The following PIAS3 variants were observed in gnomAD, a reference collection of about 807,000 sequenced individuals.
PIAS3 encodes the protein protein inhibitor of activated STAT 3, also known as E3 SUMO-protein ligase PIAS3.
Under a neutral mutation model 67.6 loss-of-function variants are expected in PIAS3, and 34 were observed. That is an observed-to-expected ratio of 0.50 (90% CI 0.38 to 0.67). PIAS3 has a LOEUF of 0.67. Among genes scored for constraint, PIAS3 ranks in the 30% least tolerant of loss-of-function variants. PIAS3 has a pLI of 0.00. For synonymous variants in PIAS3, 341 were observed against 313.8 expected, an observed-to-expected ratio of 1.09 and a Z score of -0.92; for missense variants, 693 against 791.6, an observed-to-expected ratio of 0.88 and a Z score of 1.49.
rs1653070541 is a variant in PIAS3, at chr1:145,854,190, C to T, written c.910+268G>A. ...AGGACCCCTAAGATTCTTTCCAGTC[C>T]GGAGAGCCCATATTCTAGCAGGGCT... is the stretch of plus-strand genomic sequence containing the variant. On this transcript the variant is annotated intron_variant, in intron 7 of 13. Transcript: ENST00000393045. 8 of 593,694 alleles carry T rather than the reference C, an allele frequency of 1.3e-5. 1 individual carries two copies. Among genetic ancestry groups the T allele is most frequent in the South Asian group, 4.1e-5 (2 of 48,244 alleles). 36.8% of individuals were successfully genotyped at this position (593,694 alleles called of 1,614,324 possible).
chr1:145,855,999 A>G (rs1209285545), intron 4 of PIAS3, 69 bp downstream of exon 4: 9 of 1,285,932 alleles, frequency 7.0e-6, no homozygotes, highest in Middle Eastern at 1.9e-4. Flanking sequence ...TCGTAAGGGT[A>G]TCTGTCATAC....
chr1:145,849,776 A>C, intron 13 of PIAS3, 64 bp from the exon 14 acceptor site: 1 of 1,511,226 alleles, frequency 6.6e-7, no homozygotes, highest in East Asian at 2.4e-5. Context: ...CCAGTCACTC[A>C]TCTCAGAAAT....
chr1:145,852,283 G>C (rs782628115), intron 9 of PIAS3, among the ~76,000 whole-genome samples: 1 of 152,068 alleles, frequency 6.6e-6, no homozygotes, highest in Non-Finnish European at 1.5e-5. Context: ...AACAAAAAGT[G>C]GGGGAGCACT....
chr1:145,850,939 C>T lies in PIAS3; in HGVS notation c.1280G>A (p.Gly427Asp). ...CCCCTGGACTGGGCTGTACTGGAGG[C>T]CTGTGGGTATTAAGAAGACTACGTC... ...VCPPPGYGLD[G>D]LQYSPVQGGD... The change falls in exon 11 of 14, where the codon GGC becomes GAC. Residue 427 changes from glycine (G) to aspartate (D), a missense_variant and splice_region_variant. Coordinates refer to ENST00000393045, the MANE Select transcript of PIAS3 (RefSeq NM_006099.3). 6.2e-7 allele frequency: 1 copy of T among 1,614,122 alleles called. No individual in the cohort carries two copies. Among genetic ancestry groups the T allele is most frequent in the East Asian group, 2.2e-5 (1 of 44,890 alleles).
chr1:145,849,733 A>C (rs376844195), intron 13 of PIAS3, 21 bp from the exon 14 acceptor site: 4 of 1,555,368 alleles, frequency 2.6e-6, no homozygotes, highest in Non-Finnish European at 3.5e-6. Flanking sequence ...TCAAGGGCAT[A>C]GTTTAAGATC....
intron 5 of PIAS3, 106 bp downstream of exon 5, chr1:145,855,630 T>C: frequency 2.9e-6 from 2 of 698,066 alleles, no homozygotes; most frequent in African/African-American, 1.8e-5. Context: ...ACCTACTATG[T>C]GCCACGCACT....
rs587755780 is a variant in PIAS3 at position 145,848,532 on chromosome 1, A to C, written c.*914T>G. On this transcript the variant is annotated 3_prime_UTR_variant, in exon 14 of 14. Transcript: ENST00000393045. ...TCCATGACACTCACAGAACATTCAC[A>C]ACCTTTATTATGGGTGAGAGCTTCA... The C allele has an allele frequency of 4.9e-6, 6 of 1,213,986 alleles. No individual in the cohort carries two copies. Among genetic ancestry groups the C allele is most frequent in the South Asian group, 3.8e-5 (3 of 78,242 alleles). 75.2% of individuals were successfully genotyped at this position (1,213,986 alleles called of 1,614,324 possible).
At chr1:145,853,372 T>C in intron 9 of PIAS3, 132 bp downstream of exon 9, 1 of 661,066 alleles carries the variant, frequency 1.5e-6, no homozygotes, top group Non-Finnish European at 2.4e-6. Context: ...ATTGTGCCAC[T>C]GCACTCCAGC....
intron 4 of PIAS3, 82 bp from the exon 5 acceptor site, chr1:145,855,908 A>C: frequency 9.1e-7 from 1 of 1,104,530 alleles, no homozygotes; most frequent in Non-Finnish European, 1.4e-6. Flanking sequence ...AACCCCAGAA[A>C]ATCAGTCATA....
intron 9 of PIAS3, among the ~76,000 whole-genome samples, chr1:145,852,628 T>C (rs908432633): frequency 9.9e-5 from 15 of 152,012 alleles, no homozygotes; most frequent in African/African-American, 3.6e-4. Context: ...TCTCAATCTG[T>C]TGCCCAGGCT....
chr1:145,855,884 GC>G, intron 4 of PIAS3, 58 bp from the exon 5 acceptor site: 1 of 1,225,734 alleles, frequency 8.2e-7, no homozygotes, highest in East Asian at 2.3e-5. Flanking sequence ...CTTGAATCTG[GC>G]AGAGAGACAG....
At position 145,856,054 on chromosome 1, in the gene PIAS3, G is replaced by T. The variant is rs781820218; in HGVS notation, c.578+14C>A. 75 of 1,610,802 alleles carry T rather than the reference G, an allele frequency of 4.7e-5. No individual in the cohort carries two copies. The highest frequency in any genetic ancestry group is 6.0e-5 in the Non-Finnish European group (71 of 1,177,116). On this transcript the variant is annotated intron_variant, in intron 4 of 13. Coordinates refer to ENST00000393045, the MANE Select transcript of PIAS3 (RefSeq NM_006099.3). ...CCAGTGGGTACCCAGGATAGGCAGG[G>T]AGGATGAACTCACCTTAGCTGCACC...
At chr1:145,856,482 G>A (rs1195454869) in intron 2 of PIAS3, 51 bp from the exon 3 acceptor site, 4 of 1,600,860 alleles carry the variant, frequency 2.5e-6, no homozygotes, top group Non-Finnish European at 3.4e-6. Context: ...GGCAGCCACA[G>A]AAATCGCCCC....
Position 145,856,376 on chromosome 1 carries a change from G to C in PIAS3, c.498C>G (p.Pro166=). 1.2e-6 allele frequency: 2 copies of C among 1,613,950 alleles called. No homozygotes were observed. Among genetic ancestry groups the C allele is most frequent in the African/African-American group, 1.3e-5 (1 of 75,004 alleles). Residue 166 remains proline (P), a synonymous_variant, in exon 3 of 14, where the codon CCC becomes CCG. Coordinates refer to ENST00000393045, the MANE Select transcript of PIAS3 (RefSeq NM_006099.3). The part of the protein sequence containing the change: ...EEAHFTFALT[P]QQVQQILTSR... The stretch of plus-strand genomic sequence containing the variant: ...ATGTAAGAATCTGCTGCACTTGCTG[G>C]GGTGTGAGGGCAAAGGTAAAGTGCG...
chr1:145,856,164 G>C (rs1653169831), intron 3 of PIAS3, 46 bp from the exon 4 acceptor site: 3 of 1,534,900 alleles, frequency 2.0e-6, no homozygotes, highest in South Asian at 2.2e-5. Context: ...GTAGCCCCCA[G>C]AGGGCAAGGG....
chr1:145,850,515 A>C lies in PIAS3; in HGVS notation c.1520T>G (p.Phe507Cys). The change falls in exon 12 of 14, where the codon TTC (phenylalanine) becomes TGC (cysteine). Residue 507 changes from phenylalanine (F) to cysteine (C), a missense_variant. Transcript: ENST00000393045. Reference protein sequence around the residue: ...SPAMGTLGGDFLSSLPLHEYP... With the variant: ...SPAMGTLGGDCLSSLPLHEYP... ...CTCATGTAGTGGGAGACTGGACAGG[A>C]AATCCCCACCCAACGTGCCCATAGC... 6.2e-7 allele frequency: 1 copy of C among 1,614,212 alleles called. No individual in the cohort carries two copies.
Position 145,848,755 on chromosome 1 carries a change from A to G in PIAS3, c.*691T>C, listed in dbSNP as rs782600148. ...AGAAACACTGTGAACTTAGATATAT[A>G]AATAGAGAGAGACCCAAGCAATAGG... On this transcript the variant is annotated 3_prime_UTR_variant, in exon 14 of 14. Transcript: ENST00000393045. 16 of 352,542 alleles carry G rather than the reference A, an allele frequency of 4.5e-5. No homozygotes were observed. The highest frequency in any genetic ancestry group is 8.9e-5 in the Admixed American group (2 of 22,472). 21.8% of individuals were successfully genotyped at this position (352,542 alleles called of 1,614,324 possible). A position where few individuals can be genotyped will look rare whatever the true frequency, so the allele number is the denominator to read the frequency against.
chr1:145,857,046 C>T, intron 1 of PIAS3, 40 bp from the exon 2 acceptor site: 1 of 1,580,804 alleles, frequency 6.3e-7, no homozygotes, highest in Non-Finnish European at 8.7e-7. Context: ...TCCTCCCTTG[C>T]ACAGGCCTGC....
chr1:145,857,167 CCAAAGGGA>C, intron 1 of PIAS3, 161 bp from the exon 2 acceptor site: 1 of 647,676 alleles, frequency 1.5e-6, no homozygotes, highest in Non-Finnish European at 2.7e-6. Context: ...GTCGACCTAT[CCAAAGGGA>C]CATCTCAGTC....
Sources: allele counts gnomAD v4.1 joint callset (sites outside exome capture counted in the v4.1 genomes callset), GRCh38; gene constraint gnomAD v4.1.1; transcripts MANE v1.5; gene names NCBI Gene and HGNC (gene_info 2026-07-23, HGNC 2026-07-21).